The following KCNQ5 variants were observed in gnomAD, a reference collection of about 807,000 sequenced individuals.
KCNQ5 encodes potassium voltage-gated channel subfamily KQT member 5.
Under a neutral mutation model 98.2 loss-of-function variants are expected in KCNQ5, and 30 were observed. The ratio of observed to expected loss-of-function variants is 0.31; its 90% confidence interval spans 0.23 to 0.41. The LOEUF (loss-of-function observed/expected upper bound fraction) is 0.41, where lower values mean the gene tolerates loss of function less well. KCNQ5 is among the 10% of genes least tolerant of loss of function. The pLI, the probability that KCNQ5 is intolerant of heterozygous loss-of-function variation, is 1.00. For missense variants in KCNQ5, 835 were observed against 1,182.5 expected, an observed-to-expected ratio of 0.71 and a Z score of 4.31; for synonymous variants, 458 against 449.4, an observed-to-expected ratio of 1.02 and a Z score of -0.24.
chr6:73,079,088 G>T (rs1195816927), intron 5 of KCNQ5, among the ~76,000 whole-genome samples: 1 of 152,258 alleles, frequency 6.6e-6, no homozygotes, highest in African/African-American at 2.4e-5. Flanking sequence ...AGTTGCTTGA[G>T]CTCAGGCATT....
At chr6:72,698,202 A>G (rs1292429601) in intron 1 of KCNQ5, among the ~76,000 whole-genome samples, 1 of 151,904 alleles carries the variant, frequency 6.6e-6, no homozygotes, top group Non-Finnish European at 1.5e-5. Flanking sequence ...ATGTATTTAG[A>G]CTTTTTTTTT....
intron 1 of KCNQ5, among the ~76,000 whole-genome samples, chr6:72,899,507 C>T (rs1481847902): frequency 6.6e-6 from 1 of 152,116 alleles, no homozygotes; most frequent in Non-Finnish European, 1.5e-5. Context: ...TAGATTTATA[C>T]ACACATTCTG....
intron 11 of KCNQ5, among the ~76,000 whole-genome samples, chr6:73,178,297 T>G (rs1007197127): frequency 2.0e-5 from 3 of 151,500 alleles, no homozygotes; most frequent in African/African-American, 7.3e-5. Flanking sequence ...AACAAAAATC[T>G]ACAGGAGGGG....
chr6:73,091,584 T>C (rs182650940), intron 5 of KCNQ5, among the ~76,000 whole-genome samples: 74 of 152,240 alleles, frequency 4.9e-4, no homozygotes, highest in African/African-American at 1.8e-3. Flanking sequence ...GTAAGTACCT[T>C]GGTTTGTTTC....
chr6:72,639,626 G>C (rs1410450575), intron 1 of KCNQ5, among the ~76,000 whole-genome samples: 1 of 152,180 alleles, frequency 6.6e-6, no homozygotes, highest in East Asian at 1.9e-4. Context: ...GGGATATCTG[G>C]TTGGAAAGCA....
intron 6 of KCNQ5, among the ~76,000 whole-genome samples, chr6:73,108,660 A>C (rs1001157380): frequency 4.6e-5 from 7 of 152,020 alleles, no homozygotes; most frequent in African/African-American, 1.7e-4. Flanking sequence ...CCATATATCT[A>C]CTAAAAAATA....
intron 10 of KCNQ5, among the ~76,000 whole-genome samples, chr6:73,146,299 AAGATGAAGTACTGTTTTAGCTTAG>A (rs1334674711): frequency 2.0e-5 from 3 of 152,128 alleles, no homozygotes; most frequent in African/African-American, 7.2e-5. Flanking sequence ...GTTTCTCCCT[AAGATGAAGTACTGTTTTAGCTTAG>A]AATGGTAACA....
intron 1 of KCNQ5, among the ~76,000 whole-genome samples, chr6:72,798,745 T>A (rs1317860206): frequency 1.3e-5 from 2 of 152,182 alleles, no homozygotes; most frequent in Non-Finnish European, 2.9e-5. Context: ...CAGAATGGGA[T>A]TGATCAAGCC....
chr6:73,022,447 G>A (rs1026158230), intron 2 of KCNQ5, among the ~76,000 whole-genome samples: 1 of 152,114 alleles, frequency 6.6e-6, no homozygotes, highest in Non-Finnish European at 1.5e-5. Flanking sequence ...CCCGAGACCA[G>A]CCTGAGCAAC....
intron 3 of KCNQ5, among the ~76,000 whole-genome samples, chr6:73,045,432 C>G (rs1771917913): frequency 6.6e-6 from 1 of 152,074 alleles, no homozygotes; most frequent in Non-Finnish European, 1.5e-5. Flanking sequence ...CAATTTTTAT[C>G]TCTCCCCTAA....
chr6:73,129,828 T>C lies in KCNQ5; in HGVS notation c.1248-3593T>C, dbSNP rs1464713928. 2.5e-6 allele frequency: 4 copies of C among 1,613,038 alleles called. No homozygotes were observed. The highest frequency in any genetic ancestry group is 2.5e-6 in the Non-Finnish European group (3 of 1,179,494). On this transcript the variant is annotated intron_variant, in intron 9 of 13. Transcript: ENST00000370398. ...AGTAATAAGCAGAAGCTCTTCAGAA[T>C]GTACACCTCACGGAAGCAGAGGTAC...
At chr6:72,826,703 T>G (rs967642842) in intron 1 of KCNQ5, among the ~76,000 whole-genome samples, 33 of 152,166 alleles carry the variant, frequency 2.2e-4, no homozygotes, top group African/African-American at 8.0e-4. Flanking sequence ...TCTCTAATAT[T>G]TATCATTTCC....
chr6:72,840,564 A>C (rs1776742837), intron 1 of KCNQ5, among the ~76,000 whole-genome samples: 1 of 152,024 alleles, frequency 6.6e-6, no homozygotes, highest in Non-Finnish European at 1.5e-5. Context: ...CACTTACTCC[A>C]AGTATTGACT....
At position 73,134,234 on chromosome 6, in the gene KCNQ5, A is replaced by G. The variant is rs1396049338; in HGVS notation, c.1468+593A>G. 5 of 217,582 alleles carry G rather than the reference A, an allele frequency of 2.3e-5. No individual in the cohort carries two copies. The Admixed American group carries it at 2.5e-4, about 11-fold the overall frequency. 13.5% of individuals were successfully genotyped at this position (217,582 alleles called of 1,614,324 possible). On this transcript the variant is annotated intron_variant, in intron 10 of 13. Transcript: ENST00000370398. ...GAGGAATTAACCTATTTTATTTATC[A>G]TATTATGTAGCAGACATTCACTTGC...
At chr6:72,957,604 G>A (rs576860564) in intron 1 of KCNQ5, among the ~76,000 whole-genome samples, 1 of 152,122 alleles carries the variant, frequency 6.6e-6, no homozygotes, top group Middle Eastern at 3.2e-3. Flanking sequence ...CAGCCAGAAC[G>A]GAGAGCCACT....
At chr6:72,724,868 A>G (rs1344235678) in intron 1 of KCNQ5, among the ~76,000 whole-genome samples, 2 of 152,230 alleles carry the variant, frequency 1.3e-5, no homozygotes, top group African/African-American at 4.8e-5. Flanking sequence ...TTTAAGTCAA[A>G]TAGAAAATAT....
chr6:73,125,939 A>G lies in KCNQ5; in HGVS notation c.1247+1427A>G, dbSNP rs138777436. Among the ~76,000 whole-genome samples the G allele has an allele frequency of 9.6e-3, 1,464 of 152,306 alleles. 26 individuals are homozygous for G. The highest frequency in any genetic ancestry group is 0.034 in the African/African-American group (1,399 of 41,560). ...ACGTTTTTGACCAAAGAGAGGTTCT[A>G]GTCATTAGATTCGGAATAGTCTTTG... On this transcript the variant is annotated intron_variant, in intron 9 of 13. Transcript: ENST00000370398.
intron 7 of KCNQ5, among the ~76,000 whole-genome samples, chr6:73,114,700 C>T (rs1775410918): frequency 6.6e-6 from 1 of 152,114 alleles, no homozygotes; most frequent in Non-Finnish European, 1.5e-5. Flanking sequence ...CAAATCCCTG[C>T]TGTCTGAATC....
chr6:72,862,528 T>A (rs1408922906), intron 1 of KCNQ5, among the ~76,000 whole-genome samples: 1 of 152,210 alleles, frequency 6.6e-6, no homozygotes, highest in Non-Finnish European at 1.5e-5. Context: ...GAATATGTCA[T>A]AAGCTCATTC....
Sources: allele counts gnomAD v4.1 joint callset (sites outside exome capture counted in the v4.1 genomes callset), GRCh38; gene constraint gnomAD v4.1.1; transcripts MANE v1.5; gene names NCBI Gene and HGNC (gene_info 2026-07-23, HGNC 2026-07-21).